Variants in OSTN observed in about 807,000 individuals in gnomAD.
OSTN encodes the protein osteocrin.
In OSTN, 9 loss-of-function variants were observed where a neutral mutation model predicts 12.0. The observed-to-expected ratio is 0.75, with a 90% CI of 0.45 to 1.30. The LOEUF is 1.30. OSTN is among the 50% of genes most tolerant of loss of function. The pLI, the probability that OSTN is intolerant of heterozygous loss-of-function variation, is 0.00. For synonymous variants in OSTN, 59 were observed against 56.9 expected, an observed-to-expected ratio of 1.04 and a Z score of -0.16; for missense variants, 148 against 152.3, an observed-to-expected ratio of 0.97 and a Z score of 0.15.
intron 2 of OSTN, among the ~76,000 whole-genome samples, chr3:191,218,316 A>G (rs1217442483): frequency 6.6e-6 from 1 of 152,150 alleles, no homozygotes; most frequent in African/African-American, 2.4e-5. Flanking sequence ...TCTCTATGGA[A>G]AATAACTTCA....
Position 191,242,428 on chromosome 3 carries a change from C to G in OSTN, c.318-7609C>G, listed in dbSNP as rs535149197. ...TACCTGGATTCAATACAATTCTAGT[C>G]AAAGCAGCAATAGGATTTCTATAGA... is the stretch of plus-strand genomic sequence containing the variant. On this transcript the variant is annotated intron_variant, in intron 3 of 4. Coordinates refer to ENST00000682035, the MANE Select transcript of OSTN (RefSeq NM_198184.2). Among the ~76,000 whole-genome samples the G allele has an allele frequency of 3.9e-5, 6 of 152,186 alleles. No homozygotes were observed. The South Asian group carries it at 1.2e-3, about 32-fold the overall frequency.
chr3:191,202,259 A>ATGT (rs1402409542), intron 1 of OSTN, among the ~76,000 whole-genome samples: 1 of 152,200 alleles, frequency 6.6e-6, no homozygotes, highest in African/African-American at 2.4e-5. Flanking sequence ...CACTATGCAA[A>ATGT]TGTTATTTTT....
intron 3 of OSTN, among the ~76,000 whole-genome samples, chr3:191,224,715 C>T (rs977215008): frequency 6.6e-6 from 1 of 151,884 alleles, no homozygotes; most frequent in African/African-American, 2.4e-5. Flanking sequence ...ACAGTCTTAC[C>T]TGGAAAATAC....
chr3:191,232,331 TAAAAAAA>T (rs61313474), intron 3 of OSTN, among the ~76,000 whole-genome samples: 2 of 67,496 alleles, frequency 3.0e-5, no homozygotes, highest in African/African-American at 1.8e-4. Context: ...AGACTCTGTC[TAAAAAAA>T]AAAAAAAAAA....
intron 3 of OSTN, among the ~76,000 whole-genome samples, chr3:191,248,205 A>T (rs575721360): frequency 1.3e-5 from 2 of 152,190 alleles, no homozygotes; most frequent in South Asian, 4.2e-4. Flanking sequence ...TAGTCAAGGA[A>T]AAAAAATGAC....
At position 191,245,340 on chromosome 3, in the gene OSTN, T is replaced by C. The variant is rs73888507; in HGVS notation, c.318-4697T>C. 6.0e-3 allele frequency among the ~76,000 whole-genome samples: 901 copies of C among 150,550 alleles called. 11 individuals carry two copies. Among genetic ancestry groups the C allele is most frequent in the African/African-American group, 0.022 (865 of 39,878 alleles). On this transcript the variant is annotated intron_variant, in intron 3 of 4. Coordinates refer to ENST00000682035, the MANE Select transcript of OSTN (RefSeq NM_198184.2). ...CATGGTAATGCATGAAACAATCAAA[T>C]ATCACTTAACAAATAAGTTTGTTAA...
At chr3:191,243,740 A>C (rs1420514580) in intron 3 of OSTN, among the ~76,000 whole-genome samples, 1 of 152,150 alleles carries the variant, frequency 6.6e-6, no homozygotes, top group Non-Finnish European at 1.5e-5. Flanking sequence ...TTTCAAGTAT[A>C]CATTATTATT....
At chr3:191,204,467 T>C (rs904462642) in intron 1 of OSTN, among the ~76,000 whole-genome samples, 5 of 152,218 alleles carry the variant, frequency 3.3e-5, no homozygotes, top group Non-Finnish European at 5.9e-5. Context: ...TCAATGATTT[T>C]AAATCTCGAA....
intron 2 of OSTN, among the ~76,000 whole-genome samples, chr3:191,214,948 G>T (rs956533088): frequency 6.6e-6 from 1 of 152,170 alleles, no homozygotes; most frequent in Non-Finnish European, 1.5e-5. Context: ...GGAGGCAGAG[G>T]TTGCAGTGAG....
At chr3:191,225,500 C>T (rs565178456) in intron 3 of OSTN, among the ~76,000 whole-genome samples, 2 of 151,894 alleles carry the variant, frequency 1.3e-5, no homozygotes, top group Non-Finnish European at 2.9e-5. Flanking sequence ...TCCCAAATCA[C>T]CAAAAACTAC....
rs1171535484 is a variant in OSTN at position 191,218,959 on chromosome 3, G to A, written c.315G>A (p.Gln105=). 11 of 1,601,900 alleles carry A rather than the reference G, an allele frequency of 6.9e-6. No homozygotes were observed. The highest frequency in any genetic ancestry group is 9.4e-6 in the Non-Finnish European group (11 of 1,175,754). Residue 105 remains glutamine, a splice_region_variant and synonymous_variant, in exon 3 of 5, where the codon CAG becomes CAA. Coordinates refer to ENST00000682035, the MANE Select transcript of OSTN (RefSeq NM_198184.2). ...GCTCTGTAGATCACAAAGGTAAACAGAGGTAAGTGAACTCAGAAAAAGAAA... is the reference window on the plus strand; with the variant it reads ...GCTCTGTAGATCACAAAGGTAAACAAAGGTAAGTGAACTCAGAAAAAGAAA... ...SAGSVDHKGK[Q]RKVVDHPKRR...
intron 3 of OSTN, among the ~76,000 whole-genome samples, chr3:191,227,080 C>T (rs1714930744): frequency 6.6e-6 from 1 of 151,650 alleles, no homozygotes; most frequent in African/African-American, 2.4e-5. Flanking sequence ...AAAGAATAAA[C>T]TGGAAAAAAT....
intron 4 of OSTN, among the ~76,000 whole-genome samples, chr3:191,260,134 C>A (rs1715773726): frequency 6.6e-6 from 1 of 152,044 alleles, no homozygotes; most frequent in Non-Finnish European, 1.5e-5. Context: ...CAGGGGAGAG[C>A]CACAGTGCCC....
chr3:191,255,554 C>T (rs535668950), intron 4 of OSTN, among the ~76,000 whole-genome samples: 1 of 152,294 alleles, frequency 6.6e-6, no homozygotes, highest in South Asian at 2.1e-4. Flanking sequence ...AAAACATATT[C>T]TTGCTGAACT....
At chr3:191,232,798 A>G (rs1438507605) in intron 3 of OSTN, among the ~76,000 whole-genome samples, 3 of 152,030 alleles carry the variant, frequency 2.0e-5, no homozygotes, top group Non-Finnish European at 4.4e-5. Flanking sequence ...TATTTTTAGT[A>G]GGGACTGTGT....
chr3:191,227,605 T>C (rs13071816), intron 3 of OSTN, among the ~76,000 whole-genome samples: 2,016 of 152,228 alleles, frequency 0.013, 25 homozygotes, highest in South Asian at 0.022. Flanking sequence ...ATAAACAAAA[T>C]ACAGAAAAAT....
Position 191,210,275 on chromosome 3 carries a change from G to A in OSTN, c.1-2258G>A, listed in dbSNP as rs143452439. On this transcript the variant is annotated intron_variant, in intron 1 of 4. Coordinates refer to ENST00000682035, the MANE Select transcript of OSTN (RefSeq NM_198184.2). ...ATCCAGTGGTCTCCCTCCAGGCCCC[G>A]CCTCCAATACTGGAGGCAACTCACG... is the stretch of plus-strand genomic sequence containing the variant. Among the ~76,000 whole-genome samples, 683 of 152,228 alleles carry A rather than the reference G, an allele frequency of 4.5e-3. 10 individuals are homozygous for A. Among genetic ancestry groups the A allele is most frequent in the African/African-American group, 0.016 (644 of 41,546 alleles).
At chr3:191,235,709 G>T (rs1715172103) in intron 3 of OSTN, among the ~76,000 whole-genome samples, 1 of 152,176 alleles carries the variant, frequency 6.6e-6, no homozygotes, top group South Asian at 2.1e-4. Flanking sequence ...TGATGAGTTT[G>T]CTTCCCCCAT....
intron 4 of OSTN, among the ~76,000 whole-genome samples, chr3:191,255,676 T>C (rs1218683198): frequency 1.3e-5 from 2 of 152,166 alleles, no homozygotes; most frequent in African/African-American, 2.4e-5. Flanking sequence ...AAAAGTATGC[T>C]TTATCCAATC....
Sources: allele counts gnomAD v4.1 joint callset (sites outside exome capture counted in the v4.1 genomes callset), GRCh38; gene constraint gnomAD v4.1.1; transcripts MANE v1.5; gene names NCBI Gene and HGNC (gene_info 2026-07-23, HGNC 2026-07-21).